The following RXRA variants were observed in gnomAD, a reference collection of about 807,000 sequenced individuals.
The protein encoded by RXRA is retinoid X receptor alpha.
A neutral mutation model predicts 44.5 loss-of-function variants in RXRA; 5 were observed. The ratio of observed to expected loss-of-function variants is 0.11; its 90% CI spans 0.06 to 0.24. The LOEUF (loss-of-function observed/expected upper bound fraction) is 0.24, where lower values mean the gene tolerates loss of function less well. Ranked by LOEUF, RXRA falls within the 10% of genes least tolerant of loss-of-function variation. The pLI is 1.00. For synonymous variants in RXRA, 291 were observed against 271.4 expected, an observed-to-expected ratio of 1.07 and a Z score of -0.71; for missense variants, 412 against 646.5, an observed-to-expected ratio of 0.64 and a Z score of 3.93.
chr9:134,428,962 TG>T, intron 6 of RXRA, 145 bp from the exon 7 acceptor site: 1 of 958,476 alleles, frequency 1.0e-6, no homozygotes, highest in Non-Finnish European at 1.5e-6. Flanking sequence ...CTCTTTTCTG[TG>T]GAACACTTCA....
Position 134,342,279 on chromosome 9 carries a change from G to A in RXRA, c.28+15620G>A, listed in dbSNP as rs1489424202. ...ACTAGCAAGCCACAGTGCACCAGGT[G>A]CCCCGGTACCAGCTTGTGCCAAGCC... On this transcript the variant is annotated intron_variant, in intron 1 of 9. Transcript: ENST00000481739. This position sits in a 1 kb window ranked among gnomAD's most constrained non-coding sequence, Gnocchi z 4.4. Among the ~76,000 whole-genome samples, 2 of 152,126 alleles carry A rather than the reference G, an allele frequency of 1.3e-5. No individual in the cohort carries two copies. Among genetic ancestry groups the A allele is most frequent in the African/African-American group, 4.8e-5 (2 of 41,414 alleles).
chr9:134,421,431 G>A (rs933088578), intron 5 of RXRA, among the ~76,000 whole-genome samples: 1 of 152,150 alleles, frequency 6.6e-6, no homozygotes, highest in African/African-American at 2.4e-5. Flanking sequence ...CAATGACCCT[G>A]GGTCCCCCCA....
At chr9:134,332,383 G>A (rs1029022314) in intron 1 of RXRA, among the ~76,000 whole-genome samples, 1 of 152,326 alleles carries the variant, frequency 6.6e-6, no homozygotes, top group African/African-American at 2.4e-5. Context: ...GCATGCAGGC[G>A]TCCGCCGCAG....
chr9:134,404,439 G>A (rs1363138625), intron 2 of RXRA: 1 of 152,386 alleles, frequency 6.6e-6, no homozygotes, highest in Non-Finnish European at 1.5e-5. Context: ...CAGTGTCCCA[G>A]AGCCTTCCTG....
intron 1 of RXRA, among the ~76,000 whole-genome samples, chr9:134,337,403 G>T (rs1434679063): frequency 6.6e-6 from 1 of 152,260 alleles, no homozygotes; most frequent in Non-Finnish European, 1.5e-5. Flanking sequence ...CCTCAAGCGG[G>T]CAGTAGTGGT....
At chr9:134,329,215 GAGGGGCTTCTGGTAACATCAGAGCCCT>G (rs1834963700) in intron 1 of RXRA, among the ~76,000 whole-genome samples, 2 of 152,258 alleles carry the variant, frequency 1.3e-5, no homozygotes, top group Non-Finnish European at 1.5e-5. Context: ...CAGCCTGTGT[GAGGGGCTTCTGGTAACATCAGAGCCCT>G]TGGGACCCAA....
chr9:134,327,633 T>G (rs1834936712), intron 1 of RXRA, among the ~76,000 whole-genome samples: 1 of 152,168 alleles, frequency 6.6e-6, no homozygotes, highest in African/African-American at 2.4e-5. Flanking sequence ...CCGCCATCCG[T>G]AGCCCCTCCT....
chr9:134,425,331 A>G (rs910627153), intron 6 of RXRA: 10 of 985,078 alleles, frequency 1.0e-5, no homozygotes, highest in African/African-American at 1.8e-5. Context: ...GGCTTGTTCC[A>G]TGGAAGCTCT....
intron 1 of RXRA, among the ~76,000 whole-genome samples, chr9:134,344,003 T>G (rs1208178623): frequency 1.3e-5 from 2 of 150,330 alleles, no homozygotes; most frequent in Non-Finnish European, 3.0e-5. Flanking sequence ...CCTGCTGAGG[T>G]TCCCGGGGGC....
At chr9:134,392,586 C>G (rs1330473540) in intron 1 of RXRA, among the ~76,000 whole-genome samples, 1 of 152,194 alleles carries the variant, frequency 6.6e-6, no homozygotes, top group African/African-American at 2.4e-5. Context: ...GCTGGCTGGG[C>G]CAAGCCCTCC....
intron 1 of RXRA, among the ~76,000 whole-genome samples, chr9:134,345,227 C>T (rs1554748611): frequency 2.7e-5 from 4 of 150,828 alleles, no homozygotes; most frequent in Non-Finnish European, 1.5e-5. Context: ...GATAACGTAT[C>T]CCCCTCTAGC....
At position 134,426,610 on chromosome 9, in the gene RXRA, C is replaced by G; in HGVS notation, c.911-2498C>G. 4 of 985,450 alleles carry G rather than the reference C, an allele frequency of 4.1e-6. No homozygotes were observed. Among genetic ancestry groups the G allele is most frequent in the Non-Finnish European group, 4.8e-6 (4 of 829,922 alleles). 61.0% of individuals were successfully genotyped at this position (985,450 alleles called of 1,614,324 possible). The stretch of plus-strand genomic sequence containing the variant: ...GCTCAGCAGCGCCTTCTGACCCCAG[C>G]CGTGCACTAGGCCCCTCTGCTGGGC... On this transcript the variant is annotated intron_variant, in intron 6 of 9. Coordinates refer to ENST00000481739, the MANE Select transcript of RXRA (RefSeq NM_002957.6). The surrounding 1 kb of genome is among the most constrained non-coding windows in gnomAD (Gnocchi z 4.6).
In RXRA at chr9:134,408,138, G is replaced by GC. The variant is rs1805340; in HGVS notation, c.280-3dup. On this transcript the variant is annotated splice_polypyrimidine_tract_variant and intron_variant, in intron 2 of 9. Transcript: ENST00000481739. ...GTACACCCCGCTGACTGCTGTGGTT[G>GC]CCCCCCCCAGCTCAGCTCACCTATG... is the stretch of plus-strand genomic sequence containing the variant. The GC allele has an allele frequency of 5.0e-4, 744 of 1,501,000 alleles. No homozygotes were observed. The highest frequency in any genetic ancestry group is 6.8e-4 in the Admixed American group (31 of 45,292). The allele number at this position is 1,501,000 out of a possible 1,614,324, so 93.0% of individuals were successfully genotyped here.
intron 1 of RXRA, chr9:134,380,177 G>T: frequency 1.0e-6 from 1 of 985,438 alleles, no homozygotes; most frequent in Non-Finnish European, 1.2e-6. Flanking sequence ...CGTGTGTTGG[G>T]GGTGGCCCCC....
chr9:134,332,384 T>C (rs1835018963), intron 1 of RXRA, among the ~76,000 whole-genome samples: 1 of 152,176 alleles, frequency 6.6e-6, no homozygotes, highest in African/African-American at 2.4e-5. Context: ...CATGCAGGCG[T>C]CCGCCGCAGC....
intron 1 of RXRA, among the ~76,000 whole-genome samples, chr9:134,373,212 A>T (rs1461041475): frequency 6.6e-6 from 1 of 151,800 alleles, no homozygotes; most frequent in Non-Finnish European, 1.5e-5. Flanking sequence ...CCCGGGTGGG[A>T]TGAAGGACTC....
At chr9:134,411,753 G>A (rs983151023) in intron 4 of RXRA, among the ~76,000 whole-genome samples, 1 of 152,232 alleles carries the variant, frequency 6.6e-6, no homozygotes, top group Non-Finnish European at 1.5e-5. Context: ...TCGGTGTGGA[G>A]GGCACCTCTG....
At chr9:134,351,784 G>A (rs1244892502) in intron 1 of RXRA, among the ~76,000 whole-genome samples, 1 of 152,270 alleles carries the variant, frequency 6.6e-6, no homozygotes, top group Non-Finnish European at 1.5e-5. Flanking sequence ...AGAACGCGAG[G>A]TGAATGACAT....
At chr9:134,418,742 G>A (rs1364160185) in intron 5 of RXRA, among the ~76,000 whole-genome samples, 1 of 152,226 alleles carries the variant, frequency 6.6e-6, no homozygotes, top group Non-Finnish European at 1.5e-5. Flanking sequence ...AGGGTGAGGT[G>A]TGTTCACAGG....
Sources: allele counts gnomAD v4.1 joint callset (sites outside exome capture counted in the v4.1 genomes callset), GRCh38; gene constraint gnomAD v4.1.1; non-coding constraint Gnocchi (gnomAD v3.1); transcripts MANE v1.5; gene names NCBI Gene and HGNC (gene_info 2026-07-23, HGNC 2026-07-21).